Variants in NRP1 observed in about 807,000 individuals in gnomAD.
NRP1 encodes the protein neuropilin-1.
Under a neutral mutation model 106.7 loss-of-function variants are expected in NRP1, and 35 were observed. The ratio of observed to expected loss-of-function variants is 0.33; its 90% CI spans 0.25 to 0.43. The LOEUF is 0.43. Among genes scored for constraint, NRP1 ranks in the 20% least tolerant of loss-of-function variants. The probability of loss-of-function intolerance (pLI) is 1.00; values close to 1 mark genes in which losing one functional copy is unlikely to be tolerated. For synonymous variants in NRP1, 437 were observed against 417.9 expected, an observed-to-expected ratio of 1.05 and a Z score of -0.56; for missense variants, 1,024 against 1,170.4, an observed-to-expected ratio of 0.87 and a Z score of 1.83.
chr10:33,208,028 T>A (rs1361047988), intron 9 of NRP1, among the ~76,000 whole-genome samples: 1 of 152,126 alleles, frequency 6.6e-6, no homozygotes, highest in Non-Finnish European at 1.5e-5. Context: ...CTGGGCTCAG[T>A]GATCCTCCCA....
At chr10:33,265,876 T>C (rs1348839638) in intron 3 of NRP1, among the ~76,000 whole-genome samples, 1 of 152,204 alleles carries the variant, frequency 6.6e-6, no homozygotes, top group Non-Finnish European at 1.5e-5. Context: ...TAAATTACTC[T>C]GGTGGCTTCT....
chr10:33,288,170 T>C (rs1844719480), intron 2 of NRP1: 1 of 152,166 alleles, frequency 6.6e-6, no homozygotes, highest in Non-Finnish European at 1.5e-5. Flanking sequence ...TGTCCAGGTA[T>C]TGGCCACATG....
intron 6 of NRP1, among the ~76,000 whole-genome samples, chr10:33,246,021 C>T (rs532201184): frequency 5.2e-4 from 79 of 152,132 alleles, no homozygotes; most frequent in Admixed American, 9.8e-4. Context: ...CATACATTTT[C>T]TTTAAGGTGT....
At chr10:33,184,089 G>A (rs1835857479) in intron 15 of NRP1, among the ~76,000 whole-genome samples, 1 of 152,036 alleles carries the variant, frequency 6.6e-6, no homozygotes. Flanking sequence ...TTGGCTCACT[G>A]CAACTTCCGC....
chr10:33,218,071 T>G (rs1432309715), intron 8 of NRP1, among the ~76,000 whole-genome samples: 1 of 152,170 alleles, frequency 6.6e-6, no homozygotes, highest in Non-Finnish European at 1.5e-5. Context: ...TCTGATTGAC[T>G]TAGGAGCACA....
intron 6 of NRP1, among the ~76,000 whole-genome samples, chr10:33,244,026 G>T (rs949200499): frequency 6.6e-6 from 1 of 151,532 alleles, no homozygotes; most frequent in Non-Finnish European, 1.5e-5. Flanking sequence ...TTCTGACGTG[G>T]ATCAAAATTG....
intron 2 of NRP1, among the ~76,000 whole-genome samples, chr10:33,324,922 T>C (rs1042355062): frequency 6.6e-6 from 1 of 152,206 alleles, no homozygotes; most frequent in African/African-American, 2.4e-5. Context: ...TGAGCCACCG[T>C]GCCTGGCCTG....
chr10:33,189,097 C>T (rs995015047), intron 13 of NRP1, among the ~76,000 whole-genome samples: 3 of 151,170 alleles, frequency 2.0e-5, no homozygotes, highest in Non-Finnish European at 4.4e-5. Context: ...CACTGCATCA[C>T]CAACTTAAGG....
At chr10:33,241,596 G>A (rs900019007) in intron 6 of NRP1, among the ~76,000 whole-genome samples, 8 of 152,106 alleles carry the variant, frequency 5.3e-5, no homozygotes, top group Non-Finnish European at 1.2e-4. Flanking sequence ...GAGGTGACAA[G>A]AGGTGAAATG....
intron 6 of NRP1, among the ~76,000 whole-genome samples, chr10:33,247,712 C>A (rs570091696): frequency 1.3e-5 from 2 of 152,230 alleles, no homozygotes; most frequent in Admixed American, 1.3e-4. Flanking sequence ...GCCTCACCTG[C>A]ACCCTGGCTG....
At chr10:33,301,743 GA>G (rs1178144121) in intron 2 of NRP1, among the ~76,000 whole-genome samples, 5 of 151,792 alleles carry the variant, frequency 3.3e-5, no homozygotes, top group African/African-American at 1.2e-4. Context: ...ACAACACCAA[GA>G]AAAAAAAGTT....
At chr10:33,222,338 T>G (rs1235183767) in intron 7 of NRP1, among the ~76,000 whole-genome samples, 1 of 152,144 alleles carries the variant, frequency 6.6e-6, no homozygotes, top group Non-Finnish European at 1.5e-5. Flanking sequence ...GTTCTCCCCT[T>G]TGACTTCATT....
At chr10:33,239,329 A>G (rs988894677) in intron 6 of NRP1, among the ~76,000 whole-genome samples, 5 of 152,008 alleles carry the variant, frequency 3.3e-5, no homozygotes, top group Admixed American at 3.3e-4. Flanking sequence ...AGATTCACCT[A>G]TTTTCACATA....
At chr10:33,255,070 G>T (rs907690062) in intron 5 of NRP1, among the ~76,000 whole-genome samples, 1 of 152,134 alleles carries the variant, frequency 6.6e-6, no homozygotes, top group African/African-American at 2.4e-5. Flanking sequence ...GTGAAAAAAA[G>T]CTTTAGAGAT....
chr10:33,183,943 G>C lies in NRP1; in HGVS notation c.2432-1195C>G, dbSNP rs540776379. Among the ~76,000 whole-genome samples, 19 of 152,258 alleles carry C rather than the reference G, an allele frequency of 1.2e-4. 1 individual carries two copies. The South Asian group carries it at 3.7e-3, about 30-fold the overall frequency. On this transcript the variant is annotated intron_variant, in intron 15 of 16. Coordinates refer to ENST00000374867, the MANE Select transcript of NRP1 (RefSeq NM_003873.7). ...CTACAGCTAAATGGACAAATCACAA[G>C]AAAAGAAAAAGTCCCATAGAATTGT...
chr10:33,326,136 T>C (rs561724312), intron 2 of NRP1, among the ~76,000 whole-genome samples: 1 of 152,330 alleles, frequency 6.6e-6, no homozygotes, highest in African/African-American at 2.4e-5. Flanking sequence ...TCACAAACCA[T>C]TATAAATTAT....
intron 8 of NRP1, among the ~76,000 whole-genome samples, 154 bp downstream of exon 8, chr10:33,221,565 C>T (rs1230669470): frequency 2.6e-5 from 4 of 152,150 alleles, no homozygotes; most frequent in Non-Finnish European, 5.9e-5. Context: ...GATTTGAACT[C>T]GGATTTGTCT....
chr10:33,293,710 T>C (rs867901908), intron 2 of NRP1, among the ~76,000 whole-genome samples: 1 of 152,220 alleles, frequency 6.6e-6, no homozygotes, highest in South Asian at 2.1e-4. Flanking sequence ...GAAGGAAGAA[T>C]GCCTGCCATC....
intron 2 of NRP1, among the ~76,000 whole-genome samples, chr10:33,317,843 A>G (rs1847148588): frequency 6.6e-6 from 1 of 152,182 alleles, no homozygotes; most frequent in African/African-American, 2.4e-5. Flanking sequence ...TTACTAGAAC[A>G]CTCAGAAATT....
Sources: gnomAD v4.1 joint callset for allele counts (sites outside exome capture counted in the v4.1 genomes callset) on GRCh38, gnomAD v4.1.1 for gene constraint, MANE v1.5 for transcripts, NCBI Gene and HGNC (gene_info 2026-07-23, HGNC 2026-07-21) for gene names.